The following THBS1 variants were observed in gnomAD, a reference collection of about 807,000 sequenced individuals.
THBS1 encodes the protein thrombospondin-1.
THBS1 carries 29 observed loss-of-function variants against 126.1 expected under a neutral mutation model. That is an observed-to-expected ratio of 0.23 (90% confidence interval 0.17 to 0.31). The LOEUF (loss-of-function observed/expected upper bound fraction) is 0.31. THBS1 is among the 10% of genes least tolerant of loss of function. The pLI is 1.00. For missense variants in THBS1, 1,198 were observed against 1,545.2 expected, an observed-to-expected ratio of 0.78 and a Z score of 3.77; for synonymous variants, 496 against 577.8, an observed-to-expected ratio of 0.86 and a Z score of 2.03.
rs771797283 is a variant in THBS1, at chr15:39,589,938, T to A, written c.2060T>A (p.Ile687Asn). 7.4e-6 allele frequency: 12 copies of A among 1,613,994 alleles called. No homozygotes were observed. The highest frequency in any genetic ancestry group is 1.7e-5 in the Admixed American group (1 of 59,996). ...ECKPGYAGNG[I>N]ICGEDTDLDG... ...AAGCCTGGCTACGCTGGCAATGGCA[T>A]CATCTGCGGGGAGGACACAGACCTG... The change falls in exon 13 of 22, where the codon ATC becomes AAC. Residue 687 changes from isoleucine to asparagine, a missense_variant. This residue lies in a region of THBS1 where 663 missense variants were observed against 860.1 expected (regional missense o/e 0.77). Transcript: ENST00000260356. The surrounding 1 kb of genome is among the most constrained non-coding windows in gnomAD (Gnocchi z 4.7).
intron 16 of THBS1, among the ~76,000 whole-genome samples, 188 bp downstream of exon 16, chr15:39,591,811 C>T (rs1595511975): frequency 6.6e-6 from 1 of 152,310 alleles, no homozygotes; most frequent in East Asian, 1.9e-4. Context: ...CAGAGTCTCA[C>T]AGATCTTTAG....
At chr15:39,582,908 C>G (rs532837743) in intron 3 of THBS1, among the ~76,000 whole-genome samples, 156 bp downstream of exon 3, 13 of 152,334 alleles carry the variant, frequency 8.5e-5, no homozygotes, top group African/African-American at 3.1e-4. Context: ...AAAGCTCACC[C>G]TGCTGCACCC....
In THBS1 at chr15:39,595,395, G is replaced by T; in HGVS notation, c.*26G>T. ...TCATCAAATTGTTGATTGAAAGACT[G>T]ATCATAAACCAATGCTGGTATTGCA... On this transcript the variant is annotated 3_prime_UTR_variant, in exon 22 of 22. Coordinates refer to ENST00000260356, the MANE Select transcript of THBS1 (RefSeq NM_003246.4). 6.7e-7 allele frequency: 1 copy of T among 1,501,668 alleles called. No individual in the cohort carries two copies. Among genetic ancestry groups the T allele is most frequent in the Non-Finnish European group, 8.9e-7 (1 of 1,123,692 alleles). 93.0% of individuals were successfully genotyped at this position (1,501,668 alleles called of 1,614,324 possible). A position where few individuals can be genotyped will look rare whatever the true frequency, so the allele number is the denominator to read the frequency against.
At chr15:39,581,602 G>T in intron 1 of THBS1, 1 of 421,202 alleles carries the variant, frequency 2.4e-6, no homozygotes, top group Non-Finnish European at 4.2e-6. Flanking sequence ...TTGGTCTTGC[G>T]CCCCCCACAC....
chr15:39,591,386 CAG>C, intron 15 of THBS1, 36 bp downstream of exon 15: 2 of 1,599,740 alleles, frequency 1.3e-6, no homozygotes, highest in Non-Finnish European at 1.7e-6. Context: ...CCGCGGGAGA[CAG>C]GGACATGCAC....
At chr15:39,590,089 G>T in intron 13 of THBS1, 66 bp downstream of exon 13, 2 of 1,358,310 alleles carry the variant, frequency 1.5e-6, no homozygotes, top group Non-Finnish European at 2.0e-6. Flanking sequence ...CACAGGCTAA[G>T]GAATTTTAAA....
Position 39,592,626 on chromosome 15 carries a change from A to G in THBS1, c.2591A>G (p.Glu864Gly), listed in dbSNP as rs1381161306. 2 of 1,614,138 alleles carry G rather than the reference A, an allele frequency of 1.2e-6. No homozygotes were observed. Among genetic ancestry groups the G allele is most frequent in the Non-Finnish European group, 1.7e-6 (2 of 1,180,014 alleles). ...TGTGACAACAATCAGGATATTGATG[A>G]AGATGGCCACCAGAACAATCTGGAC... ...DTCDNNQDID[E>G]DGHQNNLDNC... The change falls in exon 17 of 22, where the codon GAA becomes GGA. Residue 864 changes from glutamate (E) to glycine (G), a missense_variant. Transcript: ENST00000260356. This position sits in a 1 kb window ranked among gnomAD's most constrained non-coding sequence, Gnocchi z 4.3.
At position 39,589,115 on chromosome 15, in the gene THBS1, T is replaced by A. The variant is rs1323824070; in HGVS notation, c.1773+29T>A. 6.2e-7 allele frequency: 1 copy of A among 1,612,780 alleles called. No individual in the cohort carries two copies. Among genetic ancestry groups the A allele is most frequent in the East Asian group, 2.2e-5 (1 of 44,828 alleles). ...AGGAACTGATGGGGCTCCGAGTTTC[T>A]GGATCTAGGAAAGCAGCTAACCTGT... On this transcript the variant is annotated intron_variant, in intron 11 of 21. Transcript: ENST00000260356. This position sits in a 1 kb window ranked among gnomAD's most constrained non-coding sequence, Gnocchi z 4.7.
At chr15:39,582,124 T>C in intron 2 of THBS1, 69 bp from the exon 3 acceptor site, 1 of 1,508,842 alleles carries the variant, frequency 6.6e-7, no homozygotes, top group Non-Finnish European at 9.0e-7. Flanking sequence ...TCTCCACCCC[T>C]AAGGACTCAG....
chr15:39,594,446 A>G lies in THBS1; in HGVS notation c.3505+6A>G. 6 of 1,613,696 alleles carry G rather than the reference A, an allele frequency of 3.7e-6. No homozygotes were observed. The highest frequency in any genetic ancestry group is 4.2e-6 in the Non-Finnish European group (5 of 1,179,778). ...CCTGAAATACGAATGTAGAGGTAAG[A>G]GCAACATCACCATGAATGTACACTG... On this transcript the variant is annotated splice_donor_region_variant and intron_variant, in intron 21 of 21. Coordinates refer to ENST00000260356, the MANE Select transcript of THBS1 (RefSeq NM_003246.4). This position sits in a 1 kb window ranked among gnomAD's most constrained non-coding sequence, Gnocchi z 4.4.
At chr15:39,583,573 C>T (rs777799462) in intron 3 of THBS1, 44 bp from the exon 4 acceptor site, 3 of 1,444,282 alleles carry the variant, frequency 2.1e-6, no homozygotes, top group Non-Finnish European at 2.9e-6. Flanking sequence ...CCCATCCCCA[C>T]CCCGCTCTGC....
At chr15:39,582,008 C>A in intron 2 of THBS1, 84 bp downstream of exon 2, 1 of 1,470,398 alleles carries the variant, frequency 6.8e-7, no homozygotes, top group Non-Finnish European at 9.5e-7. Context: ...ACGTGCTGTC[C>A]TCTCCCTCTT....
rs1197143439 is a variant in THBS1 at position 39,587,381 on chromosome 15, G to A, written c.1155G>A (p.Trp385Ter). 6.2e-6 allele frequency: 10 copies of A among 1,613,708 alleles called. No homozygotes were observed. Among genetic ancestry groups the A allele is most frequent in the Non-Finnish European group, 8.5e-6 (10 of 1,179,960 alleles). The stretch of plus-strand genomic sequence containing the variant: ...CTGCGGACGATGGCTGGTCTCCATG[G>A]TCCGAGTGGACCTCCTGTTCTACGA... ...SDSADDGWSPWSEWTSCSTSC... is the reference protein window; with the variant it reads ...SDSADDGWSP Residue 385 changes from tryptophan (W) to a stop codon, truncating the protein, a stop_gained, in exon 8 of 22, where the codon TGG becomes TGA. Coordinates refer to ENST00000260356, the MANE Select transcript of THBS1 (RefSeq NM_003246.4). LOFTEE classifies it high-confidence loss of function.
At chr15:39,588,846 GT>G in intron 10 of THBS1, 112 bp from the exon 11 acceptor site, 1 of 1,596,562 alleles carries the variant, frequency 6.3e-7, no homozygotes, top group Non-Finnish European at 8.6e-7. Context: ...ATCCCAACAA[GT>G]TATCGGTTCC....
chr15:39,594,492 A>C lies in THBS1; in HGVS notation c.3505+52A>C. ...CACTGGACATCTCTATTTCAGACTA[A>C]TATCAAGGATGACGGTTATGGGGGA... On this transcript the variant is annotated intron_variant, in intron 21 of 21. Coordinates refer to ENST00000260356, the MANE Select transcript of THBS1 (RefSeq NM_003246.4). This position sits in a 1 kb window ranked among gnomAD's most constrained non-coding sequence, Gnocchi z 4.4. The C allele has an allele frequency of 1.3e-6, 2 of 1,595,220 alleles. No individual in the cohort carries two copies. Among genetic ancestry groups the C allele is most frequent in the Non-Finnish European group, 1.7e-6 (2 of 1,171,770 alleles).
At position 39,589,451 on chromosome 15, in the gene THBS1, A is replaced by G; in HGVS notation, c.1926+97A>G. On this transcript the variant is annotated intron_variant, in intron 12 of 21. Coordinates refer to ENST00000260356, the MANE Select transcript of THBS1 (RefSeq NM_003246.4). The surrounding 1 kb of genome is among the most constrained non-coding windows in gnomAD (Gnocchi z 4.7). ...GAATGTAATTTCATACCCTTCACCA[A>G]AAAAAAAAGGGCGAGGAGATGAATG... The G allele has an allele frequency of 1.5e-6, 2 of 1,350,834 alleles. No individual in the cohort carries two copies. The highest frequency in any genetic ancestry group is 1.5e-5 in the South Asian group (1 of 68,378). 83.7% of individuals were successfully genotyped at this position (1,350,834 alleles called of 1,614,324 possible).
At chr15:39,588,867 A>G (rs1200373632) in intron 10 of THBS1, 92 bp from the exon 11 acceptor site, 2 of 1,608,902 alleles carry the variant, frequency 1.2e-6, no homozygotes, top group African/African-American at 1.3e-5. Context: ...CCTATACCCT[A>G]TAATATCTTA....
In THBS1 at chr15:39,589,296, G is replaced by A. The variant is rs767925816; in HGVS notation, c.1868G>A (p.Arg623His). Residue 623 changes from arginine (R) to histidine (H), a missense_variant, in exon 12 of 22, where the codon CGC (arginine) becomes CAC (histidine). Arg to His is a conservative substitution (Grantham distance 29, BLOSUM62 0). Around this residue, in one of 4 missense-constraint regions of THBS1, gnomAD observed 663 missense variants for 860.1 expected, o/e 0.77. Coordinates refer to ENST00000260356, the MANE Select transcript of THBS1 (RefSeq NM_003246.4). The surrounding 1 kb of genome is among the most constrained non-coding windows in gnomAD (Gnocchi z 4.7). Reference protein sequence around the residue: ...PGYNCLPCPPRFTGSQPFGQG... With the variant: ...PGYNCLPCPPHFTGSQPFGQG... ...TACAACTGCCTGCCCTGCCCCCCAC[G>A]CTTCACCGGCTCACAGCCCTTCGGC... The A allele has an allele frequency of 9.9e-6, 16 of 1,614,068 alleles. No homozygotes were observed. Among genetic ancestry groups the A allele is most frequent in the Non-Finnish European group, 1.1e-5 (13 of 1,180,024 alleles).
Position 39,590,030 on chromosome 15 carries a change from C to G in THBS1, c.2145+7C>G, listed in dbSNP as rs1400442486. On this transcript the variant is annotated splice_region_variant and intron_variant, in intron 13 of 21. Transcript: ENST00000260356. ...GACTTACCACTGCAAAAAGGTAGAG[C>G]CAGGTCCTTTGTGTGCCTCCAGAAA... The G allele has an allele frequency of 6.3e-7, 1 of 1,580,718 alleles. No homozygotes were observed. Among genetic ancestry groups the G allele is most frequent in the East Asian group, 2.3e-5 (1 of 43,294 alleles).
Sources: gnomAD v4.1 joint callset for allele counts (sites outside exome capture counted in the v4.1 genomes callset) on GRCh38, gnomAD v4.1.1 for gene constraint, gnomAD v4.1.1 regional missense constraint, Gnocchi (gnomAD v3.1) non-coding constraint, MANE v1.5 for transcripts, NCBI Gene and HGNC (gene_info 2026-07-23, HGNC 2026-07-21) for gene names.